The following ZZEF1 variants were observed in gnomAD, a reference collection of about 807,000 sequenced individuals.
The protein encoded by ZZEF1 is zinc finger ZZ-type and EF-hand domain containing 1.
Under a neutral mutation model 342.8 loss-of-function variants are expected in ZZEF1, and 157 were observed. The ratio of observed to expected loss-of-function variants is 0.46; its 90% CI spans 0.40 to 0.52. The LOEUF (loss-of-function observed/expected upper bound fraction) is 0.52. Ranked by LOEUF, ZZEF1 falls within the 20% of genes least tolerant of loss-of-function variation. The pLI is 0.00. For missense variants in ZZEF1, 3,480 were observed against 3,725.6 expected (o/e 0.93, Z 1.72); for synonymous variants, 1,505 against 1,429.1 (o/e 1.05, Z -1.20).
intron 16 of ZZEF1, among the ~76,000 whole-genome samples, chr17:4,083,707 C>T (rs375613644): frequency 6.0e-5 from 9 of 150,486 alleles, no homozygotes; most frequent in East Asian, 2.0e-4. Context: ...GCGTGATCTC[C>T]GCTCACCACA....
At chr17:4,111,758 G>T (rs1259255054) in intron 5 of ZZEF1, among the ~76,000 whole-genome samples, 1 of 112,960 alleles carries the variant, frequency 8.9e-6, no homozygotes, top group African/African-American at 3.6e-5. Flanking sequence ...TTATATATAT[G>T]TTTATATATA....
In ZZEF1 at chr17:4,024,984, G is replaced by T; in HGVS notation, c.7027C>A (p.Pro2343Thr). Reference sequence around the variant, plus strand: ...ACCCAAGTTGCTTCTACTGCCTCGGGACAATGGCTGTCCATGCTGCTTTGC... The same window carrying T: ...ACCCAAGTTGCTTCTACTGCCTCGGTACAATGGCTGTCCATGCTGCTTTGC... Reference protein sequence around the residue: ...LLQSSMDSHCPEAVEATWVLS... With the variant: ...LLQSSMDSHCTEAVEATWVLS... Residue 2343 changes from proline to threonine, a missense_variant, in exon 43 of 55, where the codon CCC becomes ACC. By Grantham distance (38) the Pro-to-Thr change is conservative. Transcript: ENST00000381638. The T allele has an allele frequency of 6.2e-7, 1 of 1,614,140 alleles. No individual in the cohort carries two copies. Among genetic ancestry groups the T allele is most frequent in the Non-Finnish European group, 8.5e-7 (1 of 1,180,034 alleles).
At chr17:4,135,254 T>C (rs141493507) in intron 1 of ZZEF1, among the ~76,000 whole-genome samples, 26 of 152,280 alleles carry the variant, frequency 1.7e-4, no homozygotes, top group African/African-American at 4.8e-4. Context: ...GGCAGTAGGA[T>C]TGCTTGAGCC....
chr17:4,032,305 C>A (rs762032171), intron 41 of ZZEF1, 47 bp from the exon 42 acceptor site: 2 of 1,590,870 alleles, frequency 1.3e-6, no homozygotes, highest in Admixed American at 1.9e-5. Context: ...AACATGGAGA[C>A]AAGAAAGAAT....
chr17:4,014,609 T>C lies in ZZEF1; in HGVS notation c.8146-94A>G. On this transcript the variant is annotated intron_variant, in intron 49 of 54. Coordinates refer to ENST00000381638, the MANE Select transcript of ZZEF1 (RefSeq NM_015113.4). This position sits in a 1 kb window ranked among gnomAD's most constrained non-coding sequence, Gnocchi z 4.4. ...GCCGAGTCCTGTGGCTGGACCCGGGTGTGTGAGAATGAGTGAACCACAGCC... is the reference window on the plus strand; with the variant it reads ...GCCGAGTCCTGTGGCTGGACCCGGGCGTGTGAGAATGAGTGAACCACAGCC... The C allele has an allele frequency of 1.5e-6, 2 of 1,302,968 alleles. No individual in the cohort carries two copies. Among genetic ancestry groups the C allele is most frequent in the Non-Finnish European group, 2.2e-6 (2 of 916,338 alleles). The allele number at this position is 1,302,968 out of a possible 1,614,324, so 80.7% of individuals were successfully genotyped here.
chr17:4,077,100 C>G (rs1228443607), intron 19 of ZZEF1, 111 bp from the exon 20 acceptor site: 2 of 1,069,604 alleles, frequency 1.9e-6, no homozygotes, highest in East Asian at 5.7e-5. Flanking sequence ...GGGGGTTCCA[C>G]AGCGAAGACC....
intron 53 of ZZEF1, 80 bp downstream of exon 53, chr17:4,009,524 C>G (rs1056892317): frequency 2.5e-6 from 4 of 1,592,802 alleles, no homozygotes; most frequent in Admixed American, 3.3e-5. Context: ...TCGGATGAGG[C>G]AGCAGCTTCT....
At chr17:4,078,879 A>ACCTTTAATT in intron 18 of ZZEF1, among the ~76,000 whole-genome samples, 1 of 152,262 alleles carries the variant, frequency 6.6e-6, no homozygotes, top group Non-Finnish European at 1.5e-5. Flanking sequence ...ATTTCTGATC[A>ACCTTTAATT]CCTTTAATTT....
At position 4,064,530 on chromosome 17, in the gene ZZEF1, A is replaced by G. The variant is rs767221786; in HGVS notation, c.4549T>C (p.Leu1517=). The part of the protein sequence containing the change: ...DVSPATAEEP[L]SPSTPTRRPP... ...CGGCGGGTGGGTGTGGAAGGTGACA[A>G]GGGCTCTTCAGCTGTGGCAGGGGAC... Residue 1517 remains leucine (L), a synonymous_variant, in exon 29 of 55, where the codon TTG becomes CTG. Coordinates refer to ENST00000381638, the MANE Select transcript of ZZEF1 (RefSeq NM_015113.4). 2.4e-5 allele frequency: 39 copies of G among 1,614,072 alleles called. No individual in the cohort carries two copies. In the Admixed American group the frequency reaches 6.5e-4, roughly 27 times the overall value.
intron 25 of ZZEF1, among the ~76,000 whole-genome samples, chr17:4,072,292 T>C (rs1437660781): frequency 6.6e-6 from 1 of 152,246 alleles, no homozygotes; most frequent in Non-Finnish European, 1.5e-5. Flanking sequence ...GCACAAATCA[T>C]TGCTCTAAAG....
intron 11 of ZZEF1, among the ~76,000 whole-genome samples, chr17:4,095,021 C>T (rs574777601): frequency 7.9e-5 from 12 of 152,174 alleles, no homozygotes; most frequent in Non-Finnish European, 1.5e-4. Context: ...TCACATGATG[C>T]TTTAAGGATA....
At chr17:4,122,855 A>C (rs2058506455) in intron 2 of ZZEF1, among the ~76,000 whole-genome samples, 1 of 151,878 alleles carries the variant, frequency 6.6e-6, no homozygotes, top group Non-Finnish European at 1.5e-5. Context: ...ACATTCACCT[A>C]ATTTTTATTT....
chr17:4,114,573 T>TAG, intron 3 of ZZEF1, 103 bp from the exon 4 acceptor site: 1 of 975,872 alleles, frequency 1.0e-6, no homozygotes. Flanking sequence ...ACTCTGGCCC[T>TAG]AGAAACACAA....
At chr17:4,127,689 T>C (rs944208686) in intron 1 of ZZEF1, among the ~76,000 whole-genome samples, 23 of 152,128 alleles carry the variant, frequency 1.5e-4, no homozygotes, top group African/African-American at 5.6e-4. Context: ...CAGGCACAAC[T>C]GAAAGTGAGA....
chr17:4,076,710 A>G lies in ZZEF1; in HGVS notation c.3161T>C (p.Leu1054Pro). ...FCTLDIPHCV[L>P]LREFSVLTEL... ...TGTGAGGACGCTGAACTCTCTCAAGAGCACGCAGTGTGGGATGTCTAAAGT... is the reference window on the plus strand; with the variant it reads ...TGTGAGGACGCTGAACTCTCTCAAGGGCACGCAGTGTGGGATGTCTAAAGT... The change falls in exon 21 of 55, where the codon CTC becomes CCC. Residue 1054 changes from leucine to proline, a missense_variant. This residue lies in a region of ZZEF1 where 1,528 missense variants were observed against 1,624.1 expected (regional missense o/e 0.94). Transcript: ENST00000381638. 2.5e-6 allele frequency: 4 copies of G among 1,613,272 alleles called. No individual in the cohort carries two copies. The highest frequency in any genetic ancestry group is 3.4e-6 in the Non-Finnish European group (4 of 1,179,266).
chr17:4,128,345 TAAAAAA>T (rs74340131), intron 1 of ZZEF1, among the ~76,000 whole-genome samples: 18 of 81,564 alleles, frequency 2.2e-4, no homozygotes, highest in Non-Finnish European at 3.6e-4. Flanking sequence ...CAGACTGTCT[TAAAAAA>T]AAAAAAAAAA....
At chr17:4,102,236 A>G in intron 9 of ZZEF1, 81 bp downstream of exon 9, 1 of 1,295,866 alleles carries the variant, frequency 7.7e-7, no homozygotes, top group Non-Finnish European at 1.1e-6. Flanking sequence ...CGCCTCAAAC[A>G]TTTCAAAGTC....
chr17:4,114,601 C>G, intron 3 of ZZEF1, 131 bp from the exon 4 acceptor site: 1 of 712,918 alleles, frequency 1.4e-6, no homozygotes, highest in African/African-American at 1.8e-5. Context: ...TTAAAATCTC[C>G]TTCCAGATCC....
At chr17:4,012,727 G>C (rs931128655) in intron 52 of ZZEF1, among the ~76,000 whole-genome samples, 1 of 152,132 alleles carries the variant, frequency 6.6e-6, no homozygotes, top group Non-Finnish European at 1.5e-5. Context: ...CAGATGACAC[G>C]ACTGTACACC....
Sources: allele counts gnomAD v4.1 joint callset (sites outside exome capture counted in the v4.1 genomes callset), GRCh38; gene constraint gnomAD v4.1.1; regional missense constraint gnomAD v4.1.1; non-coding constraint Gnocchi (gnomAD v3.1); transcripts MANE v1.5; gene names NCBI Gene and HGNC (gene_info 2026-07-23, HGNC 2026-07-21).